Variants in PPP2R2B observed in about 807,000 individuals in gnomAD.
PPP2R2B encodes protein phosphatase 2 regulatory subunit Bbeta, also known as serine/threonine-protein phosphatase 2A 55 kDa regulatory subunit B beta isoform.
PPP2R2B carries 5 observed loss-of-function variants against 46.0 expected under a neutral mutation model. The ratio of observed to expected loss-of-function variants is 0.11; its 90% confidence interval spans 0.06 to 0.23. The LOEUF (loss-of-function observed/expected upper bound fraction) is 0.23. PPP2R2B is among the 10% of genes least tolerant of loss of function. The probability of loss-of-function intolerance (pLI) is 1.00; values close to 1 mark genes in which losing one functional copy is unlikely to be tolerated. For synonymous variants in PPP2R2B, 215 were observed against 206.7 expected (o/e 1.04, Z -0.34); for missense variants, 367 against 575.0 (o/e 0.64, Z 3.70).
intron 8 of PPP2R2B, among the ~76,000 whole-genome samples, chr5:146,598,946 A>T (rs1388835059): frequency 6.6e-6 from 1 of 152,182 alleles, no homozygotes; most frequent in African/African-American, 2.4e-5. Flanking sequence ...AGATCATTGA[A>T]TTGTGCACTT....
In PPP2R2B at chr5:146,913,241, G is replaced by A. The variant is rs115099612; in HGVS notation, c.79+142424C>T. Among the ~76,000 whole-genome samples, 1,201 of 152,242 alleles carry A rather than the reference G, an allele frequency of 7.9e-3. 15 individuals carry two copies. The highest frequency in any genetic ancestry group is 0.027 in the African/African-American group (1,140 of 41,534). ...AATGTTTGTCCTTGTTATTATTATT[G>A]CCTCTTCAGGATGGTAGGAGAAGGC... On this transcript the variant is annotated intron_variant, in intron 1 of 8. Coordinates refer to the PPP2R2B transcript ENST00000336640.
chr5:146,986,128 A>T (rs530351330), intron 1 of PPP2R2B, among the ~76,000 whole-genome samples: 1 of 152,264 alleles, frequency 6.6e-6, no homozygotes, highest in East Asian at 1.9e-4. Flanking sequence ...TGGAGAGGGG[A>T]GGAAGGACAG....
intron 1 of PPP2R2B, among the ~76,000 whole-genome samples, chr5:146,914,037 A>G (rs781042842): frequency 6.6e-6 from 1 of 152,228 alleles, no homozygotes; most frequent in Non-Finnish European, 1.5e-5. Flanking sequence ...CTATGTATAT[A>G]TGAAATCACA....
rs73307037 is a variant in PPP2R2B, at chr5:146,834,417, T to C, written c.70+43585A>G. On this transcript the variant is annotated intron_variant, in intron 2 of 9. Coordinates refer to ENST00000394411, the MANE Select transcript of PPP2R2B (RefSeq NM_181675.4). ...GTCTTAAACACTCCTTTACACTGCC[T>C]TTCTTGGCAAGTTGAATTATATCAA... Among the ~76,000 whole-genome samples, 1,374 of 152,308 alleles carry C rather than the reference T, an allele frequency of 9.0e-3. 26 individuals are homozygous for C. The highest frequency in any genetic ancestry group is 0.032 in the African/African-American group (1,310 of 41,570).
At chr5:146,817,580 G>T (rs957131726) in intron 2 of PPP2R2B, among the ~76,000 whole-genome samples, 5 of 152,104 alleles carry the variant, frequency 3.3e-5, no homozygotes, top group Admixed American at 6.5e-5. Context: ...CCTGGAACAG[G>T]ATTTGAAAAG....
chr5:147,021,090 G>T (rs1295085837), intron 1 of PPP2R2B, among the ~76,000 whole-genome samples: 1 of 152,176 alleles, frequency 6.6e-6, no homozygotes, highest in Non-Finnish European at 1.5e-5. Flanking sequence ...ACTGGTACCA[G>T]ACTAGCTCTT....
chr5:146,807,878 C>T (rs1416861681), intron 2 of PPP2R2B, among the ~76,000 whole-genome samples: 1 of 140,674 alleles, frequency 7.1e-6, no homozygotes, highest in Non-Finnish European at 1.5e-5. Flanking sequence ...CAGCTCACTG[C>T]AACCTCCGCC....
chr5:146,692,290 C>T (rs1778899870), intron 4 of PPP2R2B, among the ~76,000 whole-genome samples: 1 of 152,166 alleles, frequency 6.6e-6, no homozygotes, highest in African/African-American at 2.4e-5. Flanking sequence ...TTTGCTGCCT[C>T]TATGGAGTCT....
At chr5:146,733,119 C>G (rs1752328370) in intron 2 of PPP2R2B, among the ~76,000 whole-genome samples, 1 of 152,228 alleles carries the variant, frequency 6.6e-6, no homozygotes, top group African/African-American at 2.4e-5. Context: ...CTCAGCATCA[C>G]TTCCTTTACA....
intron 1 of PPP2R2B, among the ~76,000 whole-genome samples, chr5:146,946,378 A>C (rs1426657928): frequency 6.6e-6 from 1 of 152,100 alleles, no homozygotes; most frequent in African/African-American, 2.4e-5. Context: ...GCTTGAATTC[A>C]TGGTAATTGC....
intron 2 of PPP2R2B, among the ~76,000 whole-genome samples, chr5:147,071,833 C>T (rs535948208): frequency 6.6e-6 from 1 of 152,302 alleles, no homozygotes; most frequent in Admixed American, 6.5e-5. Flanking sequence ...ATCTCCAGTG[C>T]CTAGAATGCC....
intron 2 of PPP2R2B, among the ~76,000 whole-genome samples, chr5:146,851,100 G>A (rs1395534857): frequency 1.3e-5 from 2 of 152,048 alleles, no homozygotes; most frequent in East Asian, 3.9e-4. Flanking sequence ...ACATAGAAGT[G>A]GACATAAGAG....
intron 1 of PPP2R2B, among the ~76,000 whole-genome samples, chr5:147,017,175 C>T (rs1391701166): frequency 2.0e-5 from 3 of 151,406 alleles, no homozygotes; most frequent in Non-Finnish European, 4.4e-5. Context: ...ATACAAGAGG[C>T]GATGGAGTCA....
At chr5:146,994,473 A>G (rs900658185) in intron 1 of PPP2R2B, among the ~76,000 whole-genome samples, 5 of 152,254 alleles carry the variant, frequency 3.3e-5, no homozygotes, top group African/African-American at 1.2e-4. Flanking sequence ...TCAGAAAGGA[A>G]CAGAAGGCCC....
At chr5:146,770,224 G>A (rs896887458) in intron 2 of PPP2R2B, among the ~76,000 whole-genome samples, 2 of 151,014 alleles carry the variant, frequency 1.3e-5, no homozygotes, top group African/African-American at 4.9e-5. Flanking sequence ...AGATACTCGG[G>A]AGAGGCTGAG....
At chr5:146,946,144 A>G (rs1327696216) in intron 1 of PPP2R2B, among the ~76,000 whole-genome samples, 1 of 152,202 alleles carries the variant, frequency 6.6e-6, no homozygotes, top group Admixed American at 6.6e-5. Context: ...TAGCCGCTTA[A>G]GCAACAGCTT....
chr5:147,080,625 T>A (rs1757944030), intron 2 of PPP2R2B, among the ~76,000 whole-genome samples: 1 of 152,174 alleles, frequency 6.6e-6, no homozygotes, highest in South Asian at 2.1e-4. Flanking sequence ...AGATTGGGAT[T>A]CAATGTTCTC....
chr5:147,012,248 A>C (rs1754774386), intron 1 of PPP2R2B, among the ~76,000 whole-genome samples: 1 of 152,126 alleles, frequency 6.6e-6, no homozygotes, highest in South Asian at 2.1e-4. Context: ...TATTGCCACA[A>C]TTTCGGATCC....
Position 146,585,255 on chromosome 5 carries a change from T to TACACAC in PPP2R2B, c.*4691_*4692insGTGTGT, listed in dbSNP as rs1491092140. The TACACAC allele has an allele frequency of 5.0e-5, 3 of 60,246 alleles. No individual in the cohort carries two copies. Among genetic ancestry groups the TACACAC allele is most frequent in the Non-Finnish European group, 9.8e-5 (3 of 30,510 alleles). The allele number at this position is 60,246 out of a possible 1,614,324, so 3.7% of individuals were successfully genotyped here. ...TTCTGATCAGTAACTTCCATCTACA[T>TACACAC]GCATACACACACACACACACACACA... On this transcript the variant is annotated 3_prime_UTR_variant, in exon 10 of 10. Transcript: ENST00000394411.
Sources: gnomAD v4.1 joint callset for allele counts (sites outside exome capture counted in the v4.1 genomes callset) on GRCh38, gnomAD v4.1.1 for gene constraint, MANE v1.5 for transcripts, NCBI Gene and HGNC (gene_info 2026-07-23, HGNC 2026-07-21) for gene names.